Variants in HS6ST3 observed in about 807,000 individuals in gnomAD.
HS6ST3 encodes heparan sulfate 6-O-sulfotransferase 3, also known as heparan-sulfate 6-O-sulfotransferase 3.
In HS6ST3, 12 loss-of-function variants were observed where a neutral mutation model predicts 36.7. The ratio of observed to expected loss-of-function variants is 0.33; its 90% confidence interval spans 0.21 to 0.53. The LOEUF (loss-of-function observed/expected upper bound fraction) is 0.53, where lower values mean the gene tolerates loss of function less well. Among genes scored for constraint, HS6ST3 ranks in the 20% least tolerant of loss-of-function variants. The probability of loss-of-function intolerance (pLI) is 0.95; values close to 1 mark genes in which losing one functional copy is unlikely to be tolerated. For synonymous variants in HS6ST3, 240 were observed against 257.5 expected, an observed-to-expected ratio of 0.93 and a Z score of 0.65; for missense variants, 584 against 640.9, an observed-to-expected ratio of 0.91 and a Z score of 0.96.
chr13:96,358,071 A>G (rs2055218871), intron 1 of HS6ST3, among the ~76,000 whole-genome samples: 1 of 152,200 alleles, frequency 6.6e-6, no homozygotes, highest in Non-Finnish European at 1.5e-5. Flanking sequence ...AACATCTGTA[A>G]AGTGCAATAA....
At chr13:96,629,310 A>G (rs1330640167) in intron 1 of HS6ST3, among the ~76,000 whole-genome samples, 2 of 152,144 alleles carry the variant, frequency 1.3e-5, no homozygotes, top group Non-Finnish European at 2.9e-5. Context: ...GTTTCTTTGT[A>G]TTTGTCATAT....
At chr13:96,586,712 G>T (rs968132134) in intron 1 of HS6ST3, among the ~76,000 whole-genome samples, 4 of 152,138 alleles carry the variant, frequency 2.6e-5, no homozygotes, top group Non-Finnish European at 5.9e-5. Context: ...CTAATCCCTT[G>T]TCAGATGTAT....
intron 1 of HS6ST3, among the ~76,000 whole-genome samples, chr13:96,098,802 T>C (rs1375898900): frequency 1.3e-5 from 2 of 152,186 alleles, no homozygotes; most frequent in Non-Finnish European, 2.9e-5. Flanking sequence ...AAAATGTCGA[T>C]AAGAAGAGCA....
intron 1 of HS6ST3, among the ~76,000 whole-genome samples, chr13:96,228,245 A>G (rs2054490749): frequency 6.6e-6 from 1 of 152,154 alleles, no homozygotes; most frequent in Non-Finnish European, 1.5e-5. Context: ...ATTTCATATA[A>G]TTTTCATGTG....
chr13:96,764,503 T>C (rs896980188), intron 1 of HS6ST3, among the ~76,000 whole-genome samples: 7 of 152,174 alleles, frequency 4.6e-5, no homozygotes, highest in Admixed American at 6.5e-5. Context: ...AAAAATCCAA[T>C]ATACTTGATT....
chr13:96,456,441 T>A (rs1366400263), intron 1 of HS6ST3, among the ~76,000 whole-genome samples: 1 of 152,194 alleles, frequency 6.6e-6, no homozygotes, highest in African/African-American at 2.4e-5. Context: ...CATGAATTAC[T>A]GATGTGCAAA....
At chr13:96,682,862 C>A (rs1227722637) in intron 1 of HS6ST3, among the ~76,000 whole-genome samples, 1 of 152,034 alleles carries the variant, frequency 6.6e-6, no homozygotes, top group Non-Finnish European at 1.5e-5. Flanking sequence ...ATTAGTGTCA[C>A]CCGAAAAAGA....
rs551011287 is a variant in HS6ST3 at position 96,241,322 on chromosome 13, A to C, written c.707+149753A>C. Among the ~76,000 whole-genome samples the C allele has an allele frequency of 2.0e-5, 3 of 152,298 alleles. No homozygotes were observed. The South Asian group carries it at 6.2e-4, about 32-fold the overall frequency. On this transcript the variant is annotated intron_variant, in intron 1 of 1. Coordinates refer to ENST00000376705, the MANE Select transcript of HS6ST3 (RefSeq NM_153456.4). ...ATTTCTATCACCTGTTTGTGTAAAAAATGTTCTAGGCACTTACATAAAAAT... is the reference window on the plus strand; with the variant it reads ...ATTTCTATCACCTGTTTGTGTAAAACATGTTCTAGGCACTTACATAAAAAT...
At chr13:96,440,775 T>C (rs2055666935) in intron 1 of HS6ST3, among the ~76,000 whole-genome samples, 1 of 152,114 alleles carries the variant, frequency 6.6e-6, no homozygotes, top group Non-Finnish European at 1.5e-5. Flanking sequence ...CCAGCAAGAC[T>C]ATAAGAAATA....
chr13:96,333,271 A>G (rs776392807), intron 1 of HS6ST3, among the ~76,000 whole-genome samples: 16 of 152,246 alleles, frequency 1.1e-4, no homozygotes, highest in Non-Finnish European at 1.5e-4. Flanking sequence ...TGAGTTCAGA[A>G]TCAAAGCAAG....
chr13:96,737,549 C>T (rs980724756), intron 1 of HS6ST3, among the ~76,000 whole-genome samples: 35 of 144,802 alleles, frequency 2.4e-4, no homozygotes, highest in Middle Eastern at 7.0e-3. Flanking sequence ...GGCGTGAACC[C>T]GGGAAGCGGA....
At chr13:96,283,529 C>A (rs2054785490) in intron 1 of HS6ST3, among the ~76,000 whole-genome samples, 1 of 152,132 alleles carries the variant, frequency 6.6e-6, no homozygotes, top group Non-Finnish European at 1.5e-5. Flanking sequence ...TCCTCCTCTA[C>A]TTCATCTCTG....
At chr13:96,418,956 C>G (rs1474979414) in intron 1 of HS6ST3, among the ~76,000 whole-genome samples, 1 of 152,206 alleles carries the variant, frequency 6.6e-6, no homozygotes, top group Non-Finnish European at 1.5e-5. Flanking sequence ...ATGTCTGCAT[C>G]TTTGGAAGTC....
intron 1 of HS6ST3, among the ~76,000 whole-genome samples, chr13:96,475,949 G>A (rs534748545): frequency 2.0e-5 from 3 of 152,258 alleles, no homozygotes; most frequent in East Asian, 1.9e-4. Context: ...TAAACTAACC[G>A]AAAAACCATC....
chr13:96,235,078 G>A (rs1293528750), intron 1 of HS6ST3, among the ~76,000 whole-genome samples: 1 of 152,042 alleles, frequency 6.6e-6, no homozygotes, highest in Non-Finnish European at 1.5e-5. Context: ...TTTATCCAAT[G>A]TGATACCATG....
At chr13:96,406,289 G>A (rs1420212347) in intron 1 of HS6ST3, among the ~76,000 whole-genome samples, 1 of 152,098 alleles carries the variant, frequency 6.6e-6, no homozygotes, top group African/African-American at 2.4e-5. Flanking sequence ...GAGAATATAA[G>A]ACTTATACCA....
intron 1 of HS6ST3, among the ~76,000 whole-genome samples, chr13:96,705,028 T>C (rs1489940764): frequency 6.6e-6 from 1 of 152,236 alleles, no homozygotes; most frequent in Non-Finnish European, 1.5e-5. Context: ...AGTTTCCATA[T>C]ACTCCTGCCC....
intron 1 of HS6ST3, among the ~76,000 whole-genome samples, chr13:96,413,044 G>A (rs748720791): frequency 2.0e-5 from 3 of 152,032 alleles, no homozygotes; most frequent in Non-Finnish European, 2.9e-5. Context: ...GAGTAAAAAT[G>A]GACTGCCTTT....
intron 1 of HS6ST3, among the ~76,000 whole-genome samples, chr13:96,401,657 C>T (rs74357864): frequency 6.6e-6 from 1 of 152,132 alleles, no homozygotes; most frequent in African/African-American, 2.4e-5. Flanking sequence ...TCACTGCAAC[C>T]TCCACCTCCC....
Sources: allele counts gnomAD v4.1 joint callset (sites outside exome capture counted in the v4.1 genomes callset), GRCh38; gene constraint gnomAD v4.1.1; transcripts MANE v1.5; gene names NCBI Gene and HGNC (gene_info 2026-07-23, HGNC 2026-07-21).